The following RNLS variants were observed in gnomAD, a reference collection of about 807,000 sequenced individuals.
The protein encoded by RNLS is renalase.
Under a neutral mutation model 39.8 loss-of-function variants are expected in RNLS, and 39 were observed. That is an observed-to-expected ratio of 0.98 (90% CI 0.76 to 1.28). RNLS has a LOEUF of 1.28. Ranked by LOEUF, RNLS falls within the 50% of genes most tolerant of loss-of-function variation. The pLI, the probability that RNLS is intolerant of heterozygous loss-of-function variation, is 0.00. For synonymous variants in RNLS, 147 were observed against 150.7 expected (o/e 0.98, Z 0.18); for missense variants, 410 against 413.3 (o/e 0.99, Z 0.07).
the RNLS span, among the ~76,000 whole-genome samples, chr10:88,173,283 C>T: frequency 4.6e-5 from 7 of 152,230 alleles, 1 homozygote; most frequent in East Asian, 1.2e-3. Flanking sequence ...TGTTAAAAAG[C>T]AGTTGGCTGT....
chr10:88,464,864 T>C (rs1166977460), intron 4 of RNLS, among the ~76,000 whole-genome samples: 4 of 152,034 alleles, frequency 2.6e-5, no homozygotes, highest in African/African-American at 2.4e-5. Flanking sequence ...AATCCCCTGA[T>C]ACAAAATCAG....
At chr10:88,572,308 G>C in intron 4 of RNLS, among the ~76,000 whole-genome samples, 1 of 152,198 alleles carries the variant, frequency 6.6e-6, no homozygotes. Flanking sequence ...CTAAGGTAAA[G>C]TGAATAATGC....
At chr10:88,570,963 C>CTTTTTT in intron 4 of RNLS, among the ~76,000 whole-genome samples, 1 of 96,774 alleles carries the variant, frequency 1.0e-5, no homozygotes, top group Non-Finnish European at 2.0e-5. Context: ...GTTGTATATT[C>CTTTTTT]TTTTTTTTTT....
the RNLS span, among the ~76,000 whole-genome samples, chr10:88,240,436 C>G: frequency 6.6e-6 from 1 of 151,502 alleles, no homozygotes; most frequent in African/African-American, 2.4e-5. Context: ...ATTTAGGCTA[C>G]TGGCACTAAA....
At chr10:88,199,630 A>G in the RNLS span, among the ~76,000 whole-genome samples, 1 of 152,174 alleles carries the variant, frequency 6.6e-6, no homozygotes, top group African/African-American at 2.4e-5. Context: ...CAGGACGAAG[A>G]CACACTCACT....
At chr10:88,201,246 C>A in the RNLS span, among the ~76,000 whole-genome samples, 1 of 152,110 alleles carries the variant, frequency 6.6e-6, no homozygotes, top group Non-Finnish European at 1.5e-5. Flanking sequence ...CTGACTATGG[C>A]AAATTAGAAA....
intron 6 of RNLS, among the ~76,000 whole-genome samples, chr10:88,306,213 A>G (rs532883648): frequency 2.0e-5 from 3 of 152,188 alleles, no homozygotes; most frequent in African/African-American, 7.2e-5. Context: ...CTAAATGTCC[A>G]CCTGAAAAAG....
chr10:88,335,795 C>A (rs1847444904), intron 5 of RNLS, among the ~76,000 whole-genome samples: 1 of 152,082 alleles, frequency 6.6e-6, no homozygotes, highest in African/African-American at 2.4e-5. Flanking sequence ...TGATTTTTAG[C>A]AATAAATATA....
At chr10:88,416,049 T>G (rs556900003) in intron 4 of RNLS, among the ~76,000 whole-genome samples, 5 of 152,064 alleles carry the variant, frequency 3.3e-5, no homozygotes, top group African/African-American at 1.2e-4. Flanking sequence ...CTACTTCCAT[T>G]CTTGTTTCTG....
chr10:88,527,194 T>G (rs142399641), intron 4 of RNLS, among the ~76,000 whole-genome samples: 67 of 152,256 alleles, frequency 4.4e-4, no homozygotes, highest in African/African-American at 1.5e-3. Context: ...AGAGGCACTC[T>G]CGCCTCCCCA....
intron 5 of RNLS, among the ~76,000 whole-genome samples, chr10:88,331,260 A>T (rs1454228473): frequency 6.6e-6 from 1 of 152,182 alleles, no homozygotes; most frequent in Non-Finnish European, 1.5e-5. Context: ...GAAAAATTAA[A>T]TTTTTGGCAG....
intron 4 of RNLS, among the ~76,000 whole-genome samples, chr10:88,410,574 T>C (rs898948832): frequency 6.6e-6 from 1 of 152,156 alleles, no homozygotes; most frequent in African/African-American, 2.4e-5. Flanking sequence ...TTGATTATCC[T>C]AACTTTGTTA....
intron 3 of RNLS, among the ~76,000 whole-genome samples, chr10:88,579,202 C>T (rs187916507): frequency 4.6e-5 from 7 of 152,192 alleles, no homozygotes; most frequent in Admixed American, 3.9e-4. Flanking sequence ...ACTGGTAAAA[C>T]CCACCAAGGC....
intron 4 of RNLS, among the ~76,000 whole-genome samples, chr10:88,388,493 C>G (rs1851999163): frequency 6.6e-6 from 1 of 152,142 alleles, no homozygotes; most frequent in Non-Finnish European, 1.5e-5. Context: ...ACTCACTGTT[C>G]TAGCTATGGA....
chr10:88,346,202 C>A (rs562753125), intron 5 of RNLS, among the ~76,000 whole-genome samples: 3 of 152,128 alleles, frequency 2.0e-5, no homozygotes, highest in African/African-American at 7.2e-5. Context: ...TGTTCTTTAA[C>A]AAACTATTAA....
the RNLS span, among the ~76,000 whole-genome samples, chr10:88,187,149 T>TATATATATA: frequency 7.3e-6 from 1 of 136,682 alleles, no homozygotes; most frequent in East Asian, 2.0e-4. Context: ...TCAAAAAATA[T>TATATATATA]ATATATATAA....
rs181235160 is a variant in RNLS at position 88,351,020 on chromosome 10, C to T, written c.700+11532G>A. 8.5e-5 allele frequency among the ~76,000 whole-genome samples: 13 copies of T among 152,206 alleles called. 1 individual carries two copies. The East Asian group carries it at 2.5e-3, about 29-fold the overall frequency. ...TTTTTTCATGTGTCTGCTGGCTGCA[C>T]AAATGTCTTCTTTTGAGAAGTGTCT... On this transcript the variant is annotated intron_variant, in intron 5 of 6. Transcript: ENST00000331772.
rs76007383 is a variant in RNLS at position 88,487,402 on chromosome 10, TA to T, written c.526+85500del. Among the ~76,000 whole-genome samples the T allele has an allele frequency of 2.3e-3, 349 of 151,842 alleles. 1 individual carries two copies. Among genetic ancestry groups the T allele is most frequent in the African/African-American group, 8.1e-3 (335 of 41,462 alleles). On this transcript the variant is annotated intron_variant, in intron 4 of 6. Transcript: ENST00000331772. Reference sequence around the variant, plus strand: ...AATTCAAAAATAAGAAGCAACTGGTTAAAAAAATGCATAAAAGATTTGAATA... The same window carrying T: ...AATTCAAAAATAAGAAGCAACTGGTTAAAAAATGCATAAAAGATTTGAATA...
At chr10:88,359,128 C>G (rs1301773771) in intron 5 of RNLS, among the ~76,000 whole-genome samples, 2 of 152,050 alleles carry the variant, frequency 1.3e-5, no homozygotes, top group East Asian at 1.9e-4. Context: ...GACTGGCCAA[C>G]TTGGTGAAGC....
Sources: gnomAD v4.1 joint callset for allele counts (sites outside exome capture counted in the v4.1 genomes callset) on GRCh38, gnomAD v4.1.1 for gene constraint, MANE v1.5 for transcripts, NCBI Gene and HGNC (gene_info 2026-07-23, HGNC 2026-07-21) for gene names.